LRRTM4: variants seen among roughly 807,000 people sequenced by gnomAD.
LRRTM4 encodes the protein leucine rich repeat transmembrane neuronal 4.
A neutral mutation model predicts 47.6 loss-of-function variants in LRRTM4; 25 were observed. That is an observed-to-expected ratio of 0.53 (90% CI 0.38 to 0.73). LRRTM4 has a LOEUF of 0.73. Ranked by LOEUF, LRRTM4 falls within the 30% of genes least tolerant of loss-of-function variation. The pLI is 0.00. For synonymous variants in LRRTM4, 311 were observed against 269.5 expected (o/e 1.15, Z -1.51); for missense variants, 638 against 713.4 (o/e 0.89, Z 1.20).
chr2:77,190,318 G>A (rs143280853), intron 3 of LRRTM4, among the ~76,000 whole-genome samples: 3,965 of 134,430 alleles, frequency 0.029, 79 homozygotes, highest in African/African-American at 0.068. Context: ...TTTTTGAGAC[G>A]GAGTTTCACT....
chr2:76,964,858 G>C (rs34617320), intron 3 of LRRTM4, among the ~76,000 whole-genome samples: 13,675 of 150,188 alleles, frequency 0.091, 927 homozygotes, highest in East Asian at 0.38. Context: ...TAAAAACTAG[G>C]CCCTTTGTAA....
At chr2:76,939,275 T>C (rs185904154) in intron 3 of LRRTM4, among the ~76,000 whole-genome samples, 440 of 152,290 alleles carry the variant, frequency 2.9e-3, no homozygotes, top group Admixed American at 4.4e-3. Flanking sequence ...TCAGTGCAAA[T>C]TTTCTGGGAG....
At chr2:77,254,494 G>A (rs146941735) in intron 3 of LRRTM4, among the ~76,000 whole-genome samples, 2 of 151,804 alleles carry the variant, frequency 1.3e-5, no homozygotes, top group East Asian at 3.9e-4. Context: ...TAAGAAGGAA[G>A]GATGAAAAAT....
Position 76,881,703 on chromosome 2 carries a change from GA to G in LRRTM4, c.1552-132788del, listed in dbSNP as rs199984140. Among the ~76,000 whole-genome samples, 602 of 151,778 alleles carry G rather than the reference GA, an allele frequency of 4.0e-3. 1 individual carries two copies. Among genetic ancestry groups the G allele is most frequent in the African/African-American group, 0.014 (576 of 41,408 alleles). On this transcript the variant is annotated intron_variant, in intron 3 of 3. Transcript: ENST00000409884. ...TTCTTTAGTTTCTGTTAGCTAAGAT[GA>G]AAAAAAGTACCAAACTCTTCCTGTT...
chr2:76,961,297 T>G (rs1331849224), intron 3 of LRRTM4, among the ~76,000 whole-genome samples: 1 of 151,364 alleles, frequency 6.6e-6, no homozygotes, highest in African/African-American at 2.4e-5. Flanking sequence ...GTCCATATCA[T>G]CGTTTTCTGA....
At chr2:76,896,394 G>C (rs1358130122) in intron 3 of LRRTM4, among the ~76,000 whole-genome samples, 4 of 152,106 alleles carry the variant, frequency 2.6e-5, no homozygotes, top group East Asian at 1.9e-4. Flanking sequence ...GTTTTCATCA[G>C]ATATAGACAT....
At chr2:77,104,680 T>C (rs547274014) in intron 3 of LRRTM4, among the ~76,000 whole-genome samples, 43 of 152,168 alleles carry the variant, frequency 2.8e-4, no homozygotes, top group Non-Finnish European at 5.6e-4. Context: ...CCTCAAACAG[T>C]TAAGACGTCC....
intron 3 of LRRTM4, among the ~76,000 whole-genome samples, chr2:77,418,928 C>G (rs988614550): frequency 2.0e-5 from 3 of 152,104 alleles, no homozygotes; most frequent in Non-Finnish European, 2.9e-5. Flanking sequence ...TTACTGTGGC[C>G]AACAGACTTT....
chr2:76,786,383 C>A (rs1305282611), intron 3 of LRRTM4, among the ~76,000 whole-genome samples: 1 of 151,864 alleles, frequency 6.6e-6, no homozygotes, highest in South Asian at 2.1e-4. Flanking sequence ...GCAAATTGGT[C>A]CCCCAAGACT....
chr2:77,000,324 G>T (rs953990311), intron 3 of LRRTM4, among the ~76,000 whole-genome samples: 10 of 148,916 alleles, frequency 6.7e-5, no homozygotes, highest in African/African-American at 2.2e-4. Context: ...AAAAAAAAGG[G>T]TTAGTAATTG....
rs565269252 is a variant in LRRTM4 at position 76,887,590 on chromosome 2, T to C, written c.1552-138674A>G. Among the ~76,000 whole-genome samples the C allele has an allele frequency of 6.1e-5, 9 of 148,572 alleles. No individual in the cohort carries two copies. In the East Asian group the frequency reaches 1.4e-3, roughly 23 times the overall value. On this transcript the variant is annotated intron_variant, in intron 3 of 3. Transcript: ENST00000409884. The stretch of plus-strand genomic sequence containing the variant: ...GCAAATATGTATATATACAAACAGA[T>C]ATAATATATACACACATATATGATA...
chr2:77,077,832 T>G (rs999431662), intron 3 of LRRTM4, among the ~76,000 whole-genome samples: 1 of 152,182 alleles, frequency 6.6e-6, no homozygotes, highest in Non-Finnish European at 1.5e-5. Context: ...TTGAAGGAGT[T>G]TGCATTTTGA....
intron 3 of LRRTM4, among the ~76,000 whole-genome samples, chr2:77,094,449 A>T (rs1670751093): frequency 6.6e-6 from 1 of 152,170 alleles, no homozygotes; most frequent in Non-Finnish European, 1.5e-5. Flanking sequence ...GTATGGAACC[A>T]GGAAAGACCC....
At chr2:76,848,641 T>C (rs1307924799) in intron 3 of LRRTM4, among the ~76,000 whole-genome samples, 1 of 152,134 alleles carries the variant, frequency 6.6e-6, no homozygotes, top group African/African-American at 2.4e-5. Flanking sequence ...ATTATCATTT[T>C]ATTCTACTTG....
intron 3 of LRRTM4, among the ~76,000 whole-genome samples, chr2:77,043,509 G>A (rs1393342267): frequency 6.6e-6 from 1 of 151,674 alleles, no homozygotes; most frequent in East Asian, 1.9e-4. Flanking sequence ...ATGCCTAAAC[G>A]AATGTCATTG....
intron 3 of LRRTM4, among the ~76,000 whole-genome samples, chr2:76,754,927 A>G (rs1672975636): frequency 6.6e-6 from 1 of 152,148 alleles, no homozygotes; most frequent in Non-Finnish European, 1.5e-5. Flanking sequence ...TGTGCACAAC[A>G]GCAAAGTCCG....
rs1455195378 is a variant in LRRTM4 at position 77,390,625 on chromosome 2, TTTA to T, written c.1551+127690_1551+127692del. ...CTAGAAAGGACAAATTATAAATAGC[TTTA>T]TTATTATTAAATATGCTATAAATTT... On this transcript the variant is annotated intron_variant, in intron 3 of 3. Transcript: ENST00000409884. 5.9e-5 allele frequency among the ~76,000 whole-genome samples: 9 copies of T among 151,802 alleles called. No individual in the cohort carries two copies. The East Asian group carries it at 1.6e-3, about 26-fold the overall frequency.
chr2:76,940,003 G>A (rs190929173), intron 3 of LRRTM4, among the ~76,000 whole-genome samples: 7 of 152,122 alleles, frequency 4.6e-5, no homozygotes, highest in East Asian at 1.9e-4. Context: ...ATGCTGAAGA[G>A]GTTGTAGAGA....
intron 3 of LRRTM4, among the ~76,000 whole-genome samples, chr2:76,895,032 G>A (rs1034334669): frequency 3.2e-4 from 48 of 151,620 alleles, no homozygotes; most frequent in African/African-American, 1.1e-3. Flanking sequence ...GTATTTTAAA[G>A]TGAAACAAAG....
Sources: gnomAD v4.1 joint callset for allele counts (sites outside exome capture counted in the v4.1 genomes callset) on GRCh38, gnomAD v4.1.1 for gene constraint, MANE v1.5 for transcripts, NCBI Gene and HGNC (gene_info 2026-07-23, HGNC 2026-07-21) for gene names.